BPGM: variants seen among roughly 807,000 people sequenced by gnomAD.
BPGM encodes bisphosphoglycerate mutase, also known as 2,3-bisphosphoglycerate mutase, erythrocyte.
In BPGM, 15 loss-of-function variants were observed where a neutral mutation model predicts 21.6. The ratio of observed to expected loss-of-function variants is 0.70; its 90% CI spans 0.47 to 1.07. The LOEUF is 1.07. BPGM is among the 50% of genes least tolerant of loss of function. The pLI is 0.00. For synonymous variants in BPGM, 113 were observed against 116.2 expected, an observed-to-expected ratio of 0.97 and a Z score of 0.18; for missense variants, 273 against 319.0, an observed-to-expected ratio of 0.86 and a Z score of 1.10.
At chr7:134,650,094 A>C (rs1045904655) in intron 1 of BPGM, among the ~76,000 whole-genome samples, 4 of 152,228 alleles carry the variant, frequency 2.6e-5, no homozygotes, top group Admixed American at 6.5e-5. Flanking sequence ...ATAAGTTAAG[A>C]TCACATTGTC....
intron 2 of BPGM, among the ~76,000 whole-genome samples, chr7:134,665,181 C>T (rs1795795610): frequency 6.6e-6 from 1 of 151,820 alleles, no homozygotes; most frequent in African/African-American, 2.4e-5. Context: ...TGGGGGGTGG[C>T]AAACATACGG....
In BPGM at chr7:134,648,131, G is replaced by GTTTT. The variant is rs139722217; in HGVS notation, c.-62+1194_-62+1195insTTTT. 4.1e-3 allele frequency among the ~76,000 whole-genome samples: 592 copies of GTTTT among 145,296 alleles called. 4 individuals carry two copies. Among genetic ancestry groups the GTTTT allele is most frequent in the African/African-American group, 0.014 (545 of 38,800 alleles). ...TTTCTTTCTTTCTTTCTTTTGTTTT[G>GTTTT]GTTTTTTTTTTGTTTTGTTTTCAGA... On this transcript the variant is annotated intron_variant, in intron 1 of 2. Coordinates refer to ENST00000344924, the MANE Select transcript of BPGM (RefSeq NM_001724.5).
At chr7:134,654,728 G>A (rs1795611449) in intron 1 of BPGM, among the ~76,000 whole-genome samples, 1 of 152,100 alleles carries the variant, frequency 6.6e-6, no homozygotes, top group African/African-American at 2.4e-5. Context: ...AATCTTAGTG[G>A]GTTTTTTTTC....
At chr7:134,653,748 C>T (rs1795591908) in intron 1 of BPGM, among the ~76,000 whole-genome samples, 2 of 152,158 alleles carry the variant, frequency 1.3e-5, no homozygotes. Context: ...GTGCCTCTTT[C>T]TCCTAACTAC....
At chr7:134,651,783 A>G (rs2131414630) in intron 1 of BPGM, among the ~76,000 whole-genome samples, 1 of 152,330 alleles carries the variant, frequency 6.6e-6, no homozygotes, top group South Asian at 2.1e-4. Context: ...GAATTTCTAT[A>G]CATTTATAGT....
chr7:134,656,598 G>A (rs865970090), intron 1 of BPGM, among the ~76,000 whole-genome samples: 1 of 152,208 alleles, frequency 6.6e-6, no homozygotes, highest in East Asian at 1.9e-4. Flanking sequence ...AGAAGTATAA[G>A]TGAAGTGGGG....
At chr7:134,670,113 G>A (rs1055362425) in intron 2 of BPGM, among the ~76,000 whole-genome samples, 29 of 152,220 alleles carry the variant, frequency 1.9e-4, no homozygotes, top group Admixed American at 1.6e-3. Flanking sequence ...CATCTTGCCA[G>A]AGGAAATGGA....
rs1178220132 is a variant in BPGM, at chr7:134,678,915, T to C, written c.664T>C (p.Leu222=). Residue 222 remains leucine, a synonymous_variant, in exon 3 of 3, where the codon TTG becomes CTG. Transcript: ENST00000344924. ...TACTGGAGTCCCCATTCTTCTGGAA[T>C]TGGATGAAAACCTGCGTGCTGTTGG... is the stretch of plus-strand genomic sequence containing the variant. The part of the protein sequence containing the change: ...LPTGVPILLE[L]DENLRAVGPH... The C allele has an allele frequency of 1.2e-6, 2 of 1,614,088 alleles. No homozygotes were observed. The highest frequency in any genetic ancestry group is 1.7e-5 in the Admixed American group (1 of 60,024).
In BPGM at chr7:134,661,064, TG is replaced by T. The variant is rs1436915353; in HGVS notation, c.-61-380del. Among the ~76,000 whole-genome samples the T allele has an allele frequency of 2.6e-5, 4 of 152,244 alleles. No individual in the cohort carries two copies. Among genetic ancestry groups the T allele is most frequent in the African/African-American group, 7.2e-5 (3 of 41,472 alleles). On this transcript the variant is annotated intron_variant, in intron 1 of 2. Coordinates refer to ENST00000344924, the MANE Select transcript of BPGM (RefSeq NM_001724.5). The surrounding 1 kb of genome is among the most constrained non-coding windows in gnomAD (Gnocchi z 4.6). ...ATGCCTTCAGTGTAGAGTCAGCTGC[TG>T]GGAGCTGGGAGTTCCCAGCCACTAG...
intron 2 of BPGM, among the ~76,000 whole-genome samples, chr7:134,678,251 CAT>C (rs1796010333): frequency 6.6e-6 from 1 of 152,174 alleles, no homozygotes; most frequent in South Asian, 2.1e-4. Flanking sequence ...GTTCAGGGAT[CAT>C]AGGAGAGCGA....
At chr7:134,660,629 G>C (rs563539530) in intron 1 of BPGM, 1 of 152,790 alleles carries the variant, frequency 6.5e-6, no homozygotes, top group South Asian at 2.1e-4. Flanking sequence ...AGGAGGTGGG[G>C]CCTCTTTATC....
chr7:134,667,685 C>A (rs1795841213), intron 2 of BPGM, among the ~76,000 whole-genome samples: 2 of 152,166 alleles, frequency 1.3e-5, no homozygotes, highest in African/African-American at 4.8e-5. Context: ...AGTAAAAACA[C>A]TTGTGGCTGC....
intron 2 of BPGM, 75 bp from the exon 3 acceptor site, chr7:134,678,778 G>T: frequency 7.4e-7 from 1 of 1,355,914 alleles, no homozygotes; most frequent in Non-Finnish European, 1.1e-6. Flanking sequence ...GGATTAAAGT[G>T]CAGTTATATA....
At chr7:134,670,218 G>GA (rs1795883498) in intron 2 of BPGM, among the ~76,000 whole-genome samples, 1 of 152,194 alleles carries the variant, frequency 6.6e-6, no homozygotes, top group Non-Finnish European at 1.5e-5. Flanking sequence ...CTTGATCCCT[G>GA]AAGACCTGTG....
intron 1 of BPGM, chr7:134,658,466 C>T (rs1359500416): frequency 6.6e-6 from 1 of 152,202 alleles, no homozygotes; most frequent in Admixed American, 6.5e-5. Flanking sequence ...TCACTGTGCC[C>T]ATCACTCTGC....
chr7:134,652,678 A>G (rs760022181), intron 1 of BPGM, among the ~76,000 whole-genome samples: 22 of 152,304 alleles, frequency 1.4e-4, no homozygotes, highest in Non-Finnish European at 2.4e-4. Flanking sequence ...ATTGCAATAC[A>G]TTCAATTTTC....
intron 1 of BPGM, among the ~76,000 whole-genome samples, chr7:134,649,330 T>C (rs1795520077): frequency 6.6e-6 from 1 of 152,232 alleles, no homozygotes; most frequent in Non-Finnish European, 1.5e-5. Context: ...CGAAGTATAA[T>C]GTGGCAGAAA....
chr7:134,673,658 C>T (rs1216599110), intron 2 of BPGM, among the ~76,000 whole-genome samples: 1 of 152,196 alleles, frequency 6.6e-6, no homozygotes, highest in African/African-American at 2.4e-5. Context: ...ATTCCCTTTA[C>T]CAGTCGTGGG....
At chr7:134,664,352 G>A (rs1265988397) in intron 2 of BPGM, among the ~76,000 whole-genome samples, 1 of 152,132 alleles carries the variant, frequency 6.6e-6, no homozygotes, top group East Asian at 1.9e-4. Context: ...TTCGGTGTTT[G>A]TCGGCAATCT....
Sources: allele counts gnomAD v4.1 joint callset (sites outside exome capture counted in the v4.1 genomes callset), GRCh38; gene constraint gnomAD v4.1.1; non-coding constraint Gnocchi (gnomAD v3.1); transcripts MANE v1.5; gene names NCBI Gene and HGNC (gene_info 2026-07-23, HGNC 2026-07-21).